The following BMPER variants were observed in gnomAD, a reference collection of about 807,000 sequenced individuals.
The protein encoded by BMPER is BMP binding endothelial regulator, also known as BMP-binding endothelial regulator protein.
BMPER carries 45 observed loss-of-function variants against 87.3 expected under a neutral mutation model. The observed-to-expected ratio is 0.52, with a 90% CI of 0.41 to 0.66. The LOEUF is 0.66. BMPER is among the 30% of genes least tolerant of loss of function. The probability of loss-of-function intolerance (pLI) is 0.00; values close to 1 mark genes in which losing one functional copy is unlikely to be tolerated. For missense variants in BMPER, 784 were observed against 867.5 expected (o/e 0.90, Z 1.21); for synonymous variants, 326 against 316.2 (o/e 1.03, Z -0.33).
intron 13 of BMPER, among the ~76,000 whole-genome samples, chr7:34,126,687 G>C (rs542869683): frequency 7.9e-5 from 12 of 152,174 alleles, no homozygotes; most frequent in African/African-American, 2.9e-4. Context: ...TTCTTCCCCA[G>C]TGTGTGGCTT....
chr7:34,078,251 G>T (rs1005630604), intron 11 of BMPER, among the ~76,000 whole-genome samples: 1 of 152,024 alleles, frequency 6.6e-6, no homozygotes, highest in Non-Finnish European at 1.5e-5. Context: ...AGGAATTTTT[G>T]GAAAACGTAT....
intron 6 of BMPER, among the ~76,000 whole-genome samples, chr7:34,018,067 G>C (rs1044145977): frequency 6.6e-6 from 1 of 151,720 alleles, no homozygotes; most frequent in Non-Finnish European, 1.5e-5. Context: ...TACTTATCCT[G>C]TCAGTGCTGC....
intron 6 of BMPER, among the ~76,000 whole-genome samples, chr7:33,990,899 T>C (rs1464255587): frequency 9.0e-6 from 1 of 110,764 alleles, no homozygotes; most frequent in Non-Finnish European, 1.8e-5. Flanking sequence ...TTTGGCTCTG[T>C]TTATATGCTG....
chr7:34,135,286 A>G (rs987649185), intron 13 of BMPER, among the ~76,000 whole-genome samples: 1 of 152,088 alleles, frequency 6.6e-6, no homozygotes, highest in Non-Finnish European at 1.5e-5. Flanking sequence ...CAAGCAGTTG[A>G]CAGGGAGGGA....
chr7:33,941,165 T>A (rs1292029477), intron 3 of BMPER, among the ~76,000 whole-genome samples: 2 of 136,164 alleles, frequency 1.5e-5, no homozygotes, highest in East Asian at 2.6e-4. Flanking sequence ...ATTTATATAT[T>A]ATATATTTAT....
chr7:33,911,798 T>C (rs1413107159), intron 2 of BMPER, among the ~76,000 whole-genome samples: 1 of 152,192 alleles, frequency 6.6e-6, no homozygotes, highest in African/African-American at 2.4e-5. Context: ...GGGCTTGGCA[T>C]AGAGTAAACA....
intron 2 of BMPER, among the ~76,000 whole-genome samples, chr7:33,910,109 C>T (rs1783922734): frequency 6.6e-6 from 1 of 152,132 alleles, no homozygotes; most frequent in African/African-American, 2.4e-5. Context: ...GAAGTTGGAT[C>T]ATGGTCCTAA....
rs551718739 is a variant in BMPER at position 34,041,390 on chromosome 7, C to T, written c.577-4916C>T. ...CCCTTGTCTACTCTGCTACTGTCCC[C>T]TCAGTCTGCCACCTCATCTGCTGTC... On this transcript the variant is annotated intron_variant, in intron 6 of 14. Coordinates refer to ENST00000649409, the MANE Select transcript of BMPER (RefSeq NM_001365308.1). Among the ~76,000 whole-genome samples, 45 of 152,278 alleles carry T rather than the reference C, an allele frequency of 3.0e-4. 1 individual carries two copies. In the South Asian group the frequency reaches 9.1e-3, roughly 31 times the overall value.
chr7:33,996,931 A>T (rs1310656736), intron 6 of BMPER, among the ~76,000 whole-genome samples: 1 of 152,178 alleles, frequency 6.6e-6, no homozygotes. Flanking sequence ...TTTCAGGCTA[A>T]CCACATTTCC....
intron 13 of BMPER, among the ~76,000 whole-genome samples, chr7:34,097,089 T>G (rs1789549928): frequency 6.6e-6 from 1 of 152,178 alleles, no homozygotes; most frequent in Admixed American, 6.5e-5. Context: ...TGCTGGATGC[T>G]ATGAGAAACG....
At chr7:34,049,189 A>G (rs1788074598) in intron 7 of BMPER, among the ~76,000 whole-genome samples, 1 of 152,198 alleles carries the variant, frequency 6.6e-6, no homozygotes, top group African/African-American at 2.4e-5. Context: ...AGCAGCACCC[A>G]GTGCACTCTA....
intron 2 of BMPER, among the ~76,000 whole-genome samples, chr7:33,913,640 A>C (rs150882997): frequency 1.7e-3 from 262 of 152,290 alleles, no homozygotes; most frequent in African/African-American, 6.0e-3. Context: ...AAAGGTATTG[A>C]AAAAAATAGA....
intron 14 of BMPER, among the ~76,000 whole-genome samples, chr7:34,147,587 C>T (rs1251015781): frequency 1.3e-5 from 2 of 152,178 alleles, no homozygotes; most frequent in African/African-American, 2.4e-5. Flanking sequence ...TCTCCTGCCT[C>T]AGCCTCCCTA....
In BMPER at chr7:33,972,797, G is replaced by A. The variant is rs142431671; in HGVS notation, c.494-1905G>A. ...TGGCAGGCTCTGTGTCCTCAATTAC[G>A]GGATCATGAATCAATTTCATTCCCT... On this transcript the variant is annotated intron_variant, in intron 5 of 14. Transcript: ENST00000649409. Among the ~76,000 whole-genome samples, 308 of 152,300 alleles carry A rather than the reference G, an allele frequency of 2.0e-3. 1 individual carries two copies. The highest frequency in any genetic ancestry group is 3.1e-3 in the Non-Finnish European group (210 of 68,020).
intron 6 of BMPER, among the ~76,000 whole-genome samples, chr7:34,045,566 C>T (rs1787940014): frequency 6.6e-6 from 1 of 152,132 alleles, no homozygotes; most frequent in African/African-American, 2.4e-5. Flanking sequence ...CATAACTTCT[C>T]CAAATAGGTT....
At chr7:34,059,856 G>A (rs778478675) in intron 10 of BMPER, among the ~76,000 whole-genome samples, 4 of 151,910 alleles carry the variant, frequency 2.6e-5, no homozygotes, top group Non-Finnish European at 4.4e-5. Flanking sequence ...TGGAAGAAGG[G>A]TTTTATGATT....
chr7:33,970,930 G>T (rs1159228491), intron 5 of BMPER, among the ~76,000 whole-genome samples: 1 of 152,092 alleles, frequency 6.6e-6, no homozygotes, highest in Non-Finnish European at 1.5e-5. Context: ...ACAGCAAAAG[G>T]ATCTTTCCTT....
chr7:34,118,761 A>G (rs774249087), intron 13 of BMPER, among the ~76,000 whole-genome samples: 11 of 152,188 alleles, frequency 7.2e-5, no homozygotes, highest in Non-Finnish European at 1.3e-4. Flanking sequence ...TGAGTAAAGC[A>G]GATTCCTCTC....
At chr7:33,922,494 G>C (rs1010138266) in intron 2 of BMPER, among the ~76,000 whole-genome samples, 6 of 152,182 alleles carry the variant, frequency 3.9e-5, no homozygotes, top group African/African-American at 1.4e-4. Flanking sequence ...TATTGTTGTT[G>C]TTGTTCTGTT....
Sources: allele counts gnomAD v4.1 joint callset (sites outside exome capture counted in the v4.1 genomes callset), GRCh38; gene constraint gnomAD v4.1.1; transcripts MANE v1.5; gene names NCBI Gene and HGNC (gene_info 2026-07-23, HGNC 2026-07-21).